Variants in TRABD observed in about 807,000 individuals in gnomAD.
TRABD encodes TraB domain containing.
A neutral mutation model predicts 39.6 loss-of-function variants in TRABD; 23 were observed. That is an observed-to-expected ratio of 0.58 (90% CI 0.42 to 0.82). The LOEUF is 0.82. TRABD is among the 40% of genes least tolerant of loss of function. The probability of loss-of-function intolerance (pLI) is 0.00; values close to 1 mark genes in which losing one functional copy is unlikely to be tolerated. For synonymous variants in TRABD, 243 were observed against 232.1 expected (o/e 1.05, Z -0.43); for missense variants, 487 against 544.9 (o/e 0.89, Z 1.06).
At chr22:50,193,005 C>G in intron 1 of TRABD, 22 bp from the exon 2 acceptor site, 1 of 1,540,006 alleles carries the variant, frequency 6.5e-7, no homozygotes, top group Non-Finnish European at 8.7e-7. Context: ...GTGGAAACCC[C>G]GCCTCTCATG....
chr22:50,195,101 T>C (rs2064054119), intron 5 of TRABD, 61 bp downstream of exon 5: 8 of 1,494,252 alleles, frequency 5.4e-6, no homozygotes, highest in Admixed American at 2.1e-5. Context: ...TGTTTGCCTG[T>C]TGCCCAGGTT....
Position 50,197,474 on chromosome 22 carries a change from T to C in TRABD, c.557T>C (p.Phe186Ser), listed in dbSNP as rs1375072440. 1 of 1,613,706 alleles carries C rather than the reference T, an allele frequency of 6.2e-7. No homozygotes were observed. The highest frequency in any genetic ancestry group is 1.3e-5 in the African/African-American group (1 of 74,918). Residue 186 changes from phenylalanine (F) to serine (S), a missense_variant, in exon 7 of 10, where the codon TTC becomes TCC. This residue lies in a region of TRABD where 358 missense variants were observed against 414.7 expected (regional missense o/e 0.86). Transcript: ENST00000380909. ...KEASKVPFCK[F>S]HLGDRPIPVT... ...GCCAGCAAGGTGCCTTTCTGCAAGTTCCACCTGGGTGACCGACCCATCCCC... is the reference window on the plus strand; with the variant it reads ...GCCAGCAAGGTGCCTTTCTGCAAGTCCCACCTGGGTGACCGACCCATCCCC...
intron 1 of TRABD, among the ~76,000 whole-genome samples, chr22:50,191,064 G>A (rs931823684): frequency 4.6e-5 from 7 of 152,182 alleles, no homozygotes; most frequent in Admixed American, 2.0e-4. Flanking sequence ...CAAGGCCCCC[G>A]GGGACATGAG....
At chr22:50,197,776 C>CCCCCCCGG in intron 7 of TRABD, 47 bp from the exon 8 acceptor site, 37 of 1,439,242 alleles carry the variant, frequency 2.6e-5, no homozygotes, top group Non-Finnish European at 3.1e-5. Context: ...CCCACCCCCC[C>CCCCCCCGG]AGCCCGTTGC....
At chr22:50,195,183 C>G in intron 5 of TRABD, 143 bp downstream of exon 5, 3 of 1,108,326 alleles carry the variant, frequency 2.7e-6, no homozygotes, top group Non-Finnish European at 3.7e-6. Flanking sequence ...GGTTAGGGAC[C>G]TCCCCTGGGC....
At position 50,197,968 on chromosome 22, in the gene TRABD, CGCCTCGAGCT is replaced by C; in HGVS notation, c.824_833del (p.Glu275GlyfsTer41). On this transcript the variant is annotated frameshift_variant, in exon 8 of 10. Transcript: ENST00000380909. LOFTEE classifies it high-confidence loss of function. ...CTACATGCTGCGCCAGGCCGCGCGG[CGCCTCGAGCT>C]GCCTCGGGCCTCTGACGGTGACGGC... is the stretch of plus-strand genomic sequence containing the variant. 6.2e-7 allele frequency: 1 copy of C among 1,612,508 alleles called. No homozygotes were observed. The highest frequency in any genetic ancestry group is 8.5e-7 in the Non-Finnish European group (1 of 1,179,802).
intron 7 of TRABD, 60 bp from the exon 8 acceptor site, chr22:50,197,763 A>AGCCCCCCCCCCCCCCCCCCAG: frequency 1.4e-6 from 2 of 1,439,782 alleles, no homozygotes; most frequent in Non-Finnish European, 9.7e-7. Context: ...CCACAGTGCC[A>AGCCCCCCCCCCCCCCCCCCAG]GCCCCACCCC....
At position 50,194,978 on chromosome 22, in the gene TRABD, A is replaced by G; in HGVS notation, c.358A>G (p.Ser120Gly). The G allele has an allele frequency of 6.2e-7, 1 of 1,611,914 alleles. No individual in the cohort carries two copies. The highest frequency in any genetic ancestry group is 8.5e-7 in the Non-Finnish European group (1 of 1,179,846). The change falls in exon 5 of 10, where the codon AGC becomes GGC. Residue 120 changes from serine (S) to glycine (G), a missense_variant. This residue lies in a region of TRABD where 358 missense variants were observed against 414.7 expected (regional missense o/e 0.86). Coordinates refer to ENST00000380909, the MANE Select transcript of TRABD (RefSeq NM_001320485.2). Reference sequence around the variant, plus strand: ...TGTGTCCATGCTGAAGATGGACGAGAGCACGCTGCTGCGGGAGGCCCAGGA... The same window carrying G: ...TGTGTCCATGCTGAAGATGGACGAGGGCACGCTGCTGCGGGAGGCCCAGGA... ...YRVSMLKMDE[S>G]TLLREAQELS...
chr22:50,198,656 T>A lies in TRABD; in HGVS notation c.*137T>A. The A allele has an allele frequency of 1.2e-6, 1 of 843,996 alleles. No individual in the cohort carries two copies. Among genetic ancestry groups the A allele is most frequent in the African/African-American group, 1.8e-5 (1 of 56,448 alleles). The allele number at this position is 843,996 out of a possible 1,614,324, so 52.3% of individuals were successfully genotyped here. On this transcript the variant is annotated 3_prime_UTR_variant, in exon 10 of 10. Transcript: ENST00000380909. This position sits in a 1 kb window ranked among gnomAD's most constrained non-coding sequence, Gnocchi z 7.9. ...CTGGGCCCGGCCTCGCCTGCCCTCCTGGGCCAGTCACCCCTCCCCCAGCCC... is the reference window on the plus strand; with the variant it reads ...CTGGGCCCGGCCTCGCCTGCCCTCCAGGGCCAGTCACCCCTCCCCCAGCCC...
chr22:50,193,450 C>T, intron 2 of TRABD, 126 bp from the exon 3 acceptor site: 3 of 916,616 alleles, frequency 3.3e-6, no homozygotes, highest in Non-Finnish European at 5.1e-6. Flanking sequence ...CCTCGTTTTT[C>T]AGGGTGTGTG....
chr22:50,197,130 G>A, intron 5 of TRABD, 111 bp from the exon 6 acceptor site: 3 of 1,124,622 alleles, frequency 2.7e-6, no homozygotes, highest in East Asian at 2.4e-5. Flanking sequence ...ACACAGCACT[G>A]GGCTGGGGCA....
intron 7 of TRABD, 60 bp from the exon 8 acceptor site, chr22:50,197,763 A>AGCCCCCCCCCCCCCACCCCTT: frequency 6.9e-7 from 1 of 1,439,782 alleles, no homozygotes; most frequent in South Asian, 1.1e-5. Flanking sequence ...CCACAGTGCC[A>AGCCCCCCCCCCCCCACCCCTT]GCCCCACCCC....
intron 1 of TRABD, among the ~76,000 whole-genome samples, chr22:50,186,842 T>C (rs73187244): frequency 0.14 from 21,312 of 152,312 alleles, 1,624 homozygotes; most frequent in South Asian, 0.28. Flanking sequence ...ATCATGAAGC[T>C]GCCGTGTGTC....
At chr22:50,194,761 C>T in intron 4 of TRABD, 139 bp from the exon 5 acceptor site, 3 of 1,333,948 alleles carry the variant, frequency 2.2e-6, no homozygotes, top group Admixed American at 5.1e-5. Context: ...TGAGCTGTCA[C>T]TGCAGCAGCG....
rs776067855 is a variant in TRABD, at chr22:50,193,641, C to A, written c.99C>A (p.Asp33Glu). 3.3e-5 allele frequency: 54 copies of A among 1,613,528 alleles called. No individual in the cohort carries two copies. The highest frequency in any genetic ancestry group is 4.3e-5 in the Non-Finnish European group (51 of 1,179,838). ...CGGTGCCCAGGGTGCTTTCTGGAGA[C>A]CCCCAGAACCTGTGTACGTGTCCCT... ...SEPVPRVLSGDPQNLSDVDAF... is the reference protein window; with the variant it reads ...SEPVPRVLSGEPQNLSDVDAF... The change falls in exon 3 of 10, where the codon GAC becomes GAA. Residue 33 changes from aspartate to glutamate, a missense_variant. By Grantham distance (45) the Asp-to-Glu change is conservative. Transcript: ENST00000380909.
chr22:50,190,863 T>G (rs732405), intron 1 of TRABD, among the ~76,000 whole-genome samples: 119,998 of 152,244 alleles, frequency 0.79, 48,208 homozygotes, highest in African/African-American at 0.95. Context: ...GGCCCAAGGG[T>G]CCGGGGCCTG....
intron 1 of TRABD, among the ~76,000 whole-genome samples, chr22:50,189,992 AT>A (rs1423773032): frequency 6.6e-5 from 10 of 152,212 alleles, no homozygotes; most frequent in Non-Finnish European, 1.5e-4. Context: ...CCAGCCATAA[AT>A]GTCTGAGAGC....
chr22:50,192,977 C>G, intron 1 of TRABD, 50 bp from the exon 2 acceptor site: 1 of 1,501,838 alleles, frequency 6.7e-7, no homozygotes, highest in South Asian at 1.2e-5. Flanking sequence ...GAGTCCTGAG[C>G]CAGGTCTGGG....
At position 50,194,351 on chromosome 22, in the gene TRABD, G is replaced by A. The variant is rs747329304; in HGVS notation, c.124G>A (p.Ala42Thr). ...TGCTGCTGTTGCAGCCGACGTGGAC[G>A]CCTTCAACCTGCTCCTGGAGATGAA... is the stretch of plus-strand genomic sequence containing the variant. ...GDPQNLSDVDAFNLLLEMKLK... is the reference protein window; with the variant it reads ...GDPQNLSDVDTFNLLLEMKLK... The change falls in exon 4 of 10, where the codon GCC becomes ACC. Residue 42 changes from alanine to threonine, a missense_variant. By Grantham distance (58) the Ala-to-Thr change is moderately conservative. Around this residue, in one of 3 missense-constraint regions of TRABD, gnomAD observed 358 missense variants for 414.7 expected, o/e 0.86. Transcript: ENST00000380909. 93 of 1,611,696 alleles carry A rather than the reference G, an allele frequency of 5.8e-5. No individual in the cohort carries two copies. Among genetic ancestry groups the A allele is most frequent in the Non-Finnish European group, 7.0e-5 (83 of 1,179,088 alleles).
Sources: allele counts gnomAD v4.1 joint callset (sites outside exome capture counted in the v4.1 genomes callset), GRCh38; gene constraint gnomAD v4.1.1; regional missense constraint gnomAD v4.1.1; non-coding constraint Gnocchi (gnomAD v3.1); transcripts MANE v1.5; gene names NCBI Gene and HGNC (gene_info 2026-07-23, HGNC 2026-07-21).